MYT1L: variants seen among roughly 807,000 people sequenced by gnomAD.
The protein encoded by MYT1L is myelin transcription factor 1-like protein.
A neutral mutation model predicts 126.7 loss-of-function variants in MYT1L; 12 were observed. The ratio of observed to expected loss-of-function variants is 0.09; its 90% CI spans 0.06 to 0.15. MYT1L has a LOEUF of 0.15. Among genes scored for constraint, MYT1L ranks in the 10% least tolerant of loss-of-function variants. The pLI is 1.00. For missense variants in MYT1L, 979 were observed against 1,585.2 expected, an observed-to-expected ratio of 0.62 and a Z score of 6.49; for synonymous variants, 541 against 604.2, an observed-to-expected ratio of 0.90 and a Z score of 1.53.
At chr2:1,935,098 T>A (rs1355375257) in intron 9 of MYT1L, among the ~76,000 whole-genome samples, 1 of 152,184 alleles carries the variant, frequency 6.6e-6, no homozygotes, top group Non-Finnish European at 1.5e-5. Flanking sequence ...AATCTGAAGT[T>A]TAGTGAGCCT....
At chr2:1,987,304 A>G (rs2061108079) in intron 5 of MYT1L, among the ~76,000 whole-genome samples, 1 of 150,454 alleles carries the variant, frequency 6.6e-6, no homozygotes, top group Admixed American at 6.6e-5. Flanking sequence ...CAAAACCTTG[A>G]TTTCTGTTTT....
intron 8 of MYT1L, among the ~76,000 whole-genome samples, chr2:1,958,565 T>C (rs928749751): frequency 2.0e-5 from 3 of 152,278 alleles, no homozygotes; most frequent in Non-Finnish European, 4.4e-5. Context: ...TGAAGAGGTG[T>C]CTCAGGGTCC....
intron 4 of MYT1L, among the ~76,000 whole-genome samples, chr2:2,044,994 T>C (rs1407996521): frequency 6.6e-6 from 1 of 152,138 alleles, no homozygotes; most frequent in African/African-American, 2.4e-5. Context: ...TGTTTAAACA[T>C]GTGAGTTCAG....
chr2:2,077,142 T>C (rs1161142006), intron 3 of MYT1L, among the ~76,000 whole-genome samples: 2 of 151,466 alleles, frequency 1.3e-5, no homozygotes, highest in South Asian at 4.2e-4. Flanking sequence ...TAATAGAGAG[T>C]ATTTAGTCTC....
Position 2,159,642 on chromosome 2 carries a change from G to A in MYT1L, c.-304+13230C>T, listed in dbSNP as rs1040628215. Reference sequence around the variant, plus strand: ...CTGGGAGCTGCCTTAGCGAGGGGGCGTGGATCCCCCTGGATGCCCCTGGAG... The same window carrying A: ...CTGGGAGCTGCCTTAGCGAGGGGGCATGGATCCCCCTGGATGCCCCTGGAG... On this transcript the variant is annotated intron_variant, in intron 3 of 24. Coordinates refer to ENST00000647738, the MANE Select transcript of MYT1L (RefSeq NM_001303052.2). 7.9e-5 allele frequency among the ~76,000 whole-genome samples: 12 copies of A among 152,132 alleles called. No homozygotes were observed. In the East Asian group the frequency reaches 2.0e-3, roughly 25 times the overall value.
At chr2:1,904,365 C>CT (rs973924351) in intron 13 of MYT1L, among the ~76,000 whole-genome samples, 24 of 151,870 alleles carry the variant, frequency 1.6e-4, no homozygotes, top group African/African-American at 5.6e-4. Context: ...CAGACACATT[C>CT]TTTTTTTTGT....
intron 3 of MYT1L, among the ~76,000 whole-genome samples, chr2:2,065,071 G>A (rs1211706428): frequency 2.6e-5 from 4 of 152,208 alleles, no homozygotes; most frequent in Admixed American, 1.3e-4. Context: ...GGTGGCACAC[G>A]CCTGTGGTCC....
At chr2:1,925,459 TA>T (rs1159357502) in intron 9 of MYT1L, among the ~76,000 whole-genome samples, 1 of 152,214 alleles carries the variant, frequency 6.6e-6, no homozygotes, top group African/African-American at 2.4e-5. Flanking sequence ...TGTTCCCCCC[TA>T]CATTCTCCCT....
chr2:2,120,878 T>C (rs555109582), intron 3 of MYT1L, among the ~76,000 whole-genome samples: 14 of 151,672 alleles, frequency 9.2e-5, no homozygotes, highest in African/African-American at 3.1e-4. Flanking sequence ...GCTGTCCCCA[T>C]TGAGTGCGCA....
rs1208095926 is a variant in MYT1L at position 2,004,544 on chromosome 2, T to A, written c.-157-7197A>T. ...TTTCCTGCATACGTTCTTTCCTGCA[T>A]GCGTTCTTTCCTGCGTGCCTTCTCT... On this transcript the variant is annotated intron_variant, in intron 4 of 24. Transcript: ENST00000647738. Among the ~76,000 whole-genome samples, 4 of 148,490 alleles carry A rather than the reference T, an allele frequency of 2.7e-5. No homozygotes were observed. The South Asian group carries it at 8.8e-4, about 33-fold the overall frequency.
chr2:1,813,809 C>T (rs1386246250), intron 21 of MYT1L, among the ~76,000 whole-genome samples: 2 of 145,790 alleles, frequency 1.4e-5, no homozygotes, highest in South Asian at 2.4e-4. Flanking sequence ...GGGCGGATCA[C>T]GCGGTCAGGA....
intron 2 of MYT1L, among the ~76,000 whole-genome samples, chr2:2,269,515 A>G (rs535282287): frequency 6.6e-6 from 1 of 152,318 alleles, no homozygotes; most frequent in South Asian, 2.1e-4. Flanking sequence ...CATTGCTGCT[A>G]GCCTGGTTCC....
At chr2:2,025,545 T>C (rs2065454809) in intron 4 of MYT1L, among the ~76,000 whole-genome samples, 1 of 152,174 alleles carries the variant, frequency 6.6e-6, no homozygotes, top group Non-Finnish European at 1.5e-5. Context: ...ATAAGTGGTG[T>C]GTGATATTCC....
At chr2:1,826,373 G>C (rs954538069) in intron 21 of MYT1L, among the ~76,000 whole-genome samples, 3 of 152,288 alleles carry the variant, frequency 2.0e-5, no homozygotes, top group Admixed American at 2.0e-4. Flanking sequence ...AGGGCTGGGG[G>C]GCGGGCGAAT....
At position 1,886,550 on chromosome 2, in the gene MYT1L, G is replaced by C. The variant is rs2048194657; in HGVS notation, c.2700C>G (p.Ser900=). The change falls in exon 18 of 25, where the codon TCC becomes TCG. Residue 900 remains serine, a synonymous_variant. Transcript: ENST00000647738. ...TCATTAAATCTTACTTGAGTTCTTG[G>C]GAGCTGGTGGCCAGCATACTTCGAA... ...KSIRSMLATS[S]QELKCPTPGC... is the part of the protein sequence containing the mutation. 1.3e-6 allele frequency: 2 copies of C among 1,576,264 alleles called. No homozygotes were observed. Among genetic ancestry groups the C allele is most frequent in the Admixed American group, 1.9e-5 (1 of 53,840 alleles).
chr2:2,225,140 A>G (rs368036974), intron 2 of MYT1L, among the ~76,000 whole-genome samples: 1 of 151,676 alleles, frequency 6.6e-6, no homozygotes, highest in Non-Finnish European at 1.5e-5. Context: ...CTTGCCTCAA[A>G]TCAGATCTGC....
chr2:1,799,607 A>G lies in MYT1L; in HGVS notation c.3276+2089T>C, dbSNP rs111394228. Among the ~76,000 whole-genome samples the G allele has an allele frequency of 4.1e-3, 621 of 152,316 alleles. 5 individuals carry two copies. The highest frequency in any genetic ancestry group is 0.014 in the African/African-American group (566 of 41,568). On this transcript the variant is annotated intron_variant, in intron 23 of 24. Coordinates refer to ENST00000647738, the MANE Select transcript of MYT1L (RefSeq NM_001303052.2). ...TGCCCCAGTAGACCATGGACTCAAC[A>G]CCCTGGACAGACAAGGGCATTCTGC...
intron 2 of MYT1L, among the ~76,000 whole-genome samples, chr2:2,237,878 A>G (rs2094356395): frequency 6.6e-6 from 1 of 152,158 alleles, no homozygotes; most frequent in African/African-American, 2.4e-5. Flanking sequence ...GCAACCTGGG[A>G]CAGCGGTCAC....
intron 5 of MYT1L, among the ~76,000 whole-genome samples, chr2:1,988,355 C>A (rs903751167): frequency 1.3e-5 from 2 of 152,220 alleles, no homozygotes; most frequent in Non-Finnish European, 2.9e-5. Context: ...CGTGATGATA[C>A]GTGGCTCTGA....
Sources: gnomAD v4.1 joint callset for allele counts (sites outside exome capture counted in the v4.1 genomes callset) on GRCh38, gnomAD v4.1.1 for gene constraint, MANE v1.5 for transcripts, NCBI Gene and HGNC (gene_info 2026-07-23, HGNC 2026-07-21) for gene names.